Variants in PRKACB observed in about 807,000 individuals in gnomAD.
PRKACB encodes the protein protein kinase cAMP-activated catalytic subunit beta, also known as cAMP-dependent protein kinase catalytic subunit beta.
PRKACB carries 16 observed loss-of-function variants against 51.4 expected under a neutral mutation model. The ratio of observed to expected loss-of-function variants is 0.31; its 90% CI spans 0.21 to 0.47. The LOEUF (loss-of-function observed/expected upper bound fraction) is 0.47. Ranked by LOEUF, PRKACB falls within the 20% of genes least tolerant of loss-of-function variation. PRKACB has a pLI of 1.00. For synonymous variants in PRKACB, 147 were observed against 154.4 expected (o/e 0.95, Z 0.35); for missense variants, 309 against 464.5 (o/e 0.67, Z 3.08).
At chr1:84,081,462 A>G (rs1647524169) in intron 1 of PRKACB, among the ~76,000 whole-genome samples, 1 of 152,186 alleles carries the variant, frequency 6.6e-6, no homozygotes, top group South Asian at 2.1e-4. Flanking sequence ...ACTATTACAT[A>G]CCTAACTGCT....
At chr1:84,106,105 A>G (rs535571148) in intron 1 of PRKACB, among the ~76,000 whole-genome samples, 3 of 152,314 alleles carry the variant, frequency 2.0e-5, no homozygotes, top group Non-Finnish European at 2.9e-5. Flanking sequence ...ATACTATGCC[A>G]TTTGACATAA....
At chr1:84,196,516 C>G in intron 5 of PRKACB, 100 bp from the exon 6 acceptor site, 2 of 1,196,760 alleles carry the variant, frequency 1.7e-6, no homozygotes, top group Non-Finnish European at 2.3e-6. Flanking sequence ...CTTTTTGTTC[C>G]CAAAGTACCT....
At chr1:84,121,436 T>C (rs1433390360) in intron 1 of PRKACB, among the ~76,000 whole-genome samples, 1 of 152,100 alleles carries the variant, frequency 6.6e-6, no homozygotes, top group Non-Finnish European at 1.5e-5. Flanking sequence ...AAGTCTGTCA[T>C]TTTTAACTTT....
chr1:84,204,028 C>A (rs1220978537), intron 8 of PRKACB, among the ~76,000 whole-genome samples: 1 of 151,494 alleles, frequency 6.6e-6, no homozygotes, highest in Non-Finnish European at 1.5e-5. Flanking sequence ...TTTTTTTTGC[C>A]AACACTCAAA....
At chr1:84,204,664 T>G in intron 8 of PRKACB, 1 of 1,084,826 alleles carries the variant, frequency 9.2e-7, no homozygotes, top group Non-Finnish European at 1.2e-6. Flanking sequence ...ATACAAAAAC[T>G]AAGAATGTAA....
At chr1:84,185,057 G>T in intron 4 of PRKACB, 43 bp from the exon 5 acceptor site, 1 of 1,180,010 alleles carries the variant, frequency 8.5e-7, no homozygotes, top group South Asian at 1.5e-5. Context: ...AAATAATTTT[G>T]ACCTAAGTTG....
At chr1:84,217,027 T>TAGGTAG (rs771487825) in intron 9 of PRKACB, among the ~76,000 whole-genome samples, 1 of 152,210 alleles carries the variant, frequency 6.6e-6, no homozygotes, top group Non-Finnish European at 1.5e-5. Flanking sequence ...ACTGTGGTGT[T>TAGGTAG]AGGTAGACAT....
intron 1 of PRKACB, among the ~76,000 whole-genome samples, chr1:84,092,914 C>T (rs1300210367): frequency 6.7e-6 from 1 of 149,742 alleles, no homozygotes; most frequent in Non-Finnish European, 1.5e-5. Flanking sequence ...ATTTCCCCAT[C>T]CCTTTTTTTG....
intron 1 of PRKACB, among the ~76,000 whole-genome samples, chr1:84,114,045 G>A (rs549179628): frequency 6.6e-6 from 1 of 152,214 alleles, no homozygotes; most frequent in East Asian, 1.9e-4. Context: ...AAACATTACT[G>A]TAACCTGGGA....
intron 8 of PRKACB, among the ~76,000 whole-genome samples, chr1:84,208,658 A>G (rs1045109478): frequency 6.6e-6 from 1 of 152,196 alleles, no homozygotes; most frequent in Non-Finnish European, 1.5e-5. Context: ...TCTTTAATTC[A>G]AAAATTCAGT....
chr1:84,145,025 G>T (rs1653850234), intron 1 of PRKACB, among the ~76,000 whole-genome samples: 1 of 151,942 alleles, frequency 6.6e-6, no homozygotes, highest in South Asian at 2.1e-4. Context: ...TTACAAACAG[G>T]AATTTCTAAA....
intron 9 of PRKACB, among the ~76,000 whole-genome samples, chr1:84,220,936 A>C (rs1457614556): frequency 6.6e-6 from 1 of 152,136 alleles, no homozygotes; most frequent in East Asian, 1.9e-4. Flanking sequence ...GTTTTGTATC[A>C]GAGTACTGCT....
At chr1:84,191,572 C>A (rs1032227498) in intron 5 of PRKACB, among the ~76,000 whole-genome samples, 3 of 152,090 alleles carry the variant, frequency 2.0e-5, no homozygotes, top group African/African-American at 4.8e-5. Context: ...TGAATTAACA[C>A]AGGAACAAAA....
Position 84,197,831 on chromosome 1 carries a change from T to A in PRKACB, c.783+7T>A. ...AGAAATAATTCTCAGCAAGGTATAT[T>A]CATAATATCAACACATAAGAAGTAG... On this transcript the variant is annotated splice_region_variant and intron_variant, in intron 7 of 9. Transcript: ENST00000370685. The A allele has an allele frequency of 6.4e-7, 1 of 1,569,970 alleles. No individual in the cohort carries two copies. The highest frequency in any genetic ancestry group is 2.3e-5 in the East Asian group (1 of 44,346).
At chr1:84,112,841 C>A (rs1650344499) in intron 1 of PRKACB, among the ~76,000 whole-genome samples, 1 of 152,000 alleles carries the variant, frequency 6.6e-6, no homozygotes, top group Non-Finnish European at 1.5e-5. Context: ...GTCTTAGGCA[C>A]AGTAATCAAG....
intron 1 of PRKACB, among the ~76,000 whole-genome samples, chr1:84,086,785 G>GC (rs1648035055): frequency 6.6e-6 from 1 of 152,180 alleles, no homozygotes. Flanking sequence ...CCCTCAGGGA[G>GC]CCCCCTCCCA....
At chr1:84,136,037 C>T (rs979639605) in intron 1 of PRKACB, among the ~76,000 whole-genome samples, 1 of 151,774 alleles carries the variant, frequency 6.6e-6, no homozygotes, top group Non-Finnish European at 1.5e-5. Context: ...ATAGAAATTA[C>T]CAATATCAGA....
chr1:84,212,598 T>C (rs1490109020), intron 8 of PRKACB, among the ~76,000 whole-genome samples: 1 of 152,126 alleles, frequency 6.6e-6, no homozygotes, highest in Non-Finnish European at 1.5e-5. Flanking sequence ...CTCTGCCACT[T>C]TATGGCCTGA....
chr1:84,186,206 A>G (rs1198596851), intron 5 of PRKACB, among the ~76,000 whole-genome samples: 2 of 79,618 alleles, frequency 2.5e-5, no homozygotes, highest in African/African-American at 9.4e-5. Flanking sequence ...TGGAAAATAT[A>G]ATTTTTTTGT....
Sources: allele counts gnomAD v4.1 joint callset (sites outside exome capture counted in the v4.1 genomes callset), GRCh38; gene constraint gnomAD v4.1.1; transcripts MANE v1.5; gene names NCBI Gene and HGNC (gene_info 2026-07-23, HGNC 2026-07-21).